Variants in SHISAL2B observed in about 807,000 individuals in gnomAD.
SHISAL2B encodes the protein protein shisa-like-2B.
A neutral mutation model predicts 16.5 loss-of-function variants in SHISAL2B; 12 were observed. The observed-to-expected ratio is 0.73, with a 90% confidence interval of 0.47 to 1.18. SHISAL2B has a LOEUF of 1.18. SHISAL2B is among the 50% of genes most tolerant of loss of function. The pLI, the probability that SHISAL2B is intolerant of heterozygous loss-of-function variation, is 0.00. For missense variants in SHISAL2B, 183 were observed against 193.6 expected (o/e 0.95, Z 0.33); for synonymous variants, 72 against 75.0 (o/e 0.96, Z 0.21).
intron 2 of SHISAL2B, among the ~76,000 whole-genome samples, chr5:64,696,481 C>T (rs1332834495): frequency 6.6e-6 from 1 of 152,132 alleles, no homozygotes; most frequent in South Asian, 2.1e-4. Flanking sequence ...TTTCTTCTTG[C>T]AGAGAGCCTA....
intron 2 of SHISAL2B, among the ~76,000 whole-genome samples, chr5:64,701,160 A>G (rs2112062058): frequency 6.6e-6 from 1 of 152,292 alleles, no homozygotes; most frequent in South Asian, 2.1e-4. Context: ...TTACAAGAAA[A>G]AAAGTCTGTA....
intron 2 of SHISAL2B, among the ~76,000 whole-genome samples, chr5:64,712,470 A>G (rs1340691433): frequency 1.3e-5 from 2 of 151,532 alleles, no homozygotes; most frequent in South Asian, 4.2e-4. Context: ...TATGTGGTCA[A>G]TTTTGGAATA....
chr5:64,692,483 T>G (rs1741665023), intron 1 of SHISAL2B, among the ~76,000 whole-genome samples: 1 of 152,234 alleles, frequency 6.6e-6, no homozygotes, highest in African/African-American at 2.4e-5. Flanking sequence ...CTGGGGTTCC[T>G]GTGAGTTATT....
chr5:64,696,394 A>G (rs181590880), intron 2 of SHISAL2B, among the ~76,000 whole-genome samples: 1 of 152,224 alleles, frequency 6.6e-6, no homozygotes, highest in Admixed American at 6.5e-5. Flanking sequence ...ACAGAATAAC[A>G]GTGATTTTTC....
intron 2 of SHISAL2B, among the ~76,000 whole-genome samples, chr5:64,711,255 T>C (rs1462337982): frequency 6.9e-6 from 1 of 144,262 alleles, no homozygotes. Context: ...GAAGGGTTGT[T>C]GAATTTTGTC....
intron 2 of SHISAL2B, 66 bp downstream of exon 2, chr5:64,695,730 G>A: frequency 8.3e-7 from 1 of 1,204,850 alleles, no homozygotes; most frequent in African/African-American, 1.5e-5. Context: ...CTTGTACCTG[G>A]GTGATAATAC....
chr5:64,709,788 G>A (rs1485965030), intron 2 of SHISAL2B, among the ~76,000 whole-genome samples: 1 of 152,062 alleles, frequency 6.6e-6, no homozygotes, highest in Non-Finnish European at 1.5e-5. Flanking sequence ...CTGATGGCCA[G>A]TGATGATGAG....
intron 2 of SHISAL2B, among the ~76,000 whole-genome samples, chr5:64,698,876 C>T (rs1018363097): frequency 6.6e-6 from 1 of 152,156 alleles, no homozygotes; most frequent in Non-Finnish European, 1.5e-5. Flanking sequence ...TTTTGAGAAA[C>T]ATTGGCAAAA....
At chr5:64,701,062 C>A (rs1741802654) in intron 2 of SHISAL2B, among the ~76,000 whole-genome samples, 2 of 152,162 alleles carry the variant, frequency 1.3e-5, no homozygotes, top group Admixed American at 1.3e-4. Context: ...GGGTTGGGGA[C>A]CCCTGCTTTA....
intron 2 of SHISAL2B, among the ~76,000 whole-genome samples, chr5:64,712,542 A>G (rs1319676741): frequency 1.3e-5 from 2 of 150,980 alleles, no homozygotes. Context: ...AGTTCTGTAG[A>G]TGTCTATTAG....
chr5:64,714,389 C>T (rs1017188670), intron 2 of SHISAL2B, among the ~76,000 whole-genome samples: 67 of 148,218 alleles, frequency 4.5e-4, no homozygotes, highest in Middle Eastern at 3.4e-3. Flanking sequence ...AGGAGGCAGT[C>T]TGCCTGTTCT....
chr5:64,701,876 CG>C (rs1741813268), intron 2 of SHISAL2B, among the ~76,000 whole-genome samples: 1 of 152,138 alleles, frequency 6.6e-6, no homozygotes, highest in Admixed American at 6.5e-5. Context: ...CTGCTATATT[CG>C]TCTTAGAAGA....
intron 2 of SHISAL2B, among the ~76,000 whole-genome samples, chr5:64,698,059 G>C (rs572872126): frequency 9.2e-5 from 14 of 152,330 alleles, no homozygotes; most frequent in African/African-American, 3.4e-4. Flanking sequence ...CTTAGGCCCA[G>C]TTTCTCCACT....
At position 64,715,179 on chromosome 5, in the gene SHISAL2B, A is replaced by G. The variant is rs145787146; in HGVS notation, c.350-2710A>G. On this transcript the variant is annotated intron_variant, in intron 2 of 2. Coordinates refer to ENST00000389074, the MANE Select transcript of SHISAL2B (RefSeq NM_001164442.2). ...ACTAGAAAGCATTTTACTTATAGAA[A>G]GGTATCTTTAATATATATTTTTACT... Among the ~76,000 whole-genome samples, 46 of 152,276 alleles carry G rather than the reference A, an allele frequency of 3.0e-4. No homozygotes were observed. The East Asian group carries it at 8.3e-3, about 27-fold the overall frequency.
chr5:64,698,340 G>T (rs373632478), intron 2 of SHISAL2B, among the ~76,000 whole-genome samples: 1 of 152,098 alleles, frequency 6.6e-6, no homozygotes, highest in African/African-American at 2.4e-5. Flanking sequence ...AACACTAATC[G>T]CTTCCTATCT....
At chr5:64,691,144 G>C (rs973404478) in intron 1 of SHISAL2B, 2 of 291,328 alleles carry the variant, frequency 6.9e-6, no homozygotes, top group Non-Finnish European at 1.3e-5. Flanking sequence ...CTCTCCCCTC[G>C]CCGGGACCAG....
chr5:64,708,598 A>T (rs1741905780), intron 2 of SHISAL2B, among the ~76,000 whole-genome samples: 1 of 152,214 alleles, frequency 6.6e-6, no homozygotes, highest in South Asian at 2.1e-4. Flanking sequence ...TGACAATAAG[A>T]TATAATTTCC....
At chr5:64,714,782 CGGGT>C in intron 2 of SHISAL2B, among the ~76,000 whole-genome samples, 1 of 152,114 alleles carries the variant, frequency 6.6e-6, no homozygotes, top group Non-Finnish European at 1.5e-5. Flanking sequence ...GCGCAATATT[CGGGT>C]GGGAGTGACC....
chr5:64,712,526 G>C (rs938849553), intron 2 of SHISAL2B, among the ~76,000 whole-genome samples: 4 of 130,396 alleles, frequency 3.1e-5, no homozygotes, highest in Non-Finnish European at 5.0e-5. Context: ...TTGATTTGGG[G>C]TGGAGAGTTC....
Sources: allele counts gnomAD v4.1 joint callset (sites outside exome capture counted in the v4.1 genomes callset), GRCh38; gene constraint gnomAD v4.1.1; transcripts MANE v1.5; gene names NCBI Gene and HGNC (gene_info 2026-07-23, HGNC 2026-07-21).